The following RFWD3 variants were observed in gnomAD, a reference collection of about 807,000 sequenced individuals.
The protein encoded by RFWD3 is ring finger and WD repeat domain 3.
A neutral mutation model predicts 87.7 loss-of-function variants in RFWD3; 65 were observed. That is an observed-to-expected ratio of 0.74 (90% CI 0.61 to 0.91). The LOEUF is 0.91. Ranked by LOEUF, RFWD3 falls within the 40% of genes least tolerant of loss-of-function variation. The probability of loss-of-function intolerance (pLI) is 0.00; values close to 1 mark genes in which losing one functional copy is unlikely to be tolerated. For missense variants in RFWD3, 1,078 were observed against 938.5 expected, an observed-to-expected ratio of 1.15 and a Z score of -1.94; for synonymous variants, 433 against 352.8, an observed-to-expected ratio of 1.23 and a Z score of -2.55.
Position 74,644,426 on chromosome 16 carries a change from T to C in RFWD3, c.1015A>G (p.Ile339Val), listed in dbSNP as rs907592751. 1.9e-6 allele frequency: 3 copies of C among 1,614,120 alleles called. No homozygotes were observed. The highest frequency in any genetic ancestry group is 1.7e-5 in the Admixed American group (1 of 60,006). The stretch of plus-strand genomic sequence containing the variant: ...AGGGTTCGGGCATAAAGGACGACAA[T>C]GTCACTGTGCCTGGCTTTCTTGTTG... ...QCNKKARHSD[I>V]VVLYARTLRA... The change falls in exon 6 of 13, where the codon ATT (isoleucine) becomes GTT (valine). Residue 339 changes from isoleucine to valine, a missense_variant. By Grantham distance (29) the Ile-to-Val change is conservative (BLOSUM62 3). Coordinates refer to ENST00000361070, the MANE Select transcript of RFWD3 (RefSeq NM_018124.4).
intron 10 of RFWD3, 81 bp from the exon 11 acceptor site, chr16:74,628,747 T>C: frequency 6.5e-6 from 8 of 1,226,408 alleles, no homozygotes; most frequent in Non-Finnish European, 9.5e-6. Context: ...CTCAAGCACA[T>C]TCCCACCTCT....
intron 12 of RFWD3, 40 bp from the exon 13 acceptor site, chr16:74,624,111 A>G: frequency 6.3e-7 from 1 of 1,596,688 alleles, no homozygotes; most frequent in Non-Finnish European, 8.5e-7. Context: ...GGAGTCAGTC[A>G]GTACACGAAG....
At chr16:74,646,286 G>A (rs562892995) in intron 4 of RFWD3, among the ~76,000 whole-genome samples, 5 of 152,190 alleles carry the variant, frequency 3.3e-5, no homozygotes, top group Non-Finnish European at 5.9e-5. Context: ...TGAGGTAGAA[G>A]CATCACCTGA....
At chr16:74,662,239 G>A (rs1961506768) in intron 1 of RFWD3, among the ~76,000 whole-genome samples, 2 of 152,070 alleles carry the variant, frequency 1.3e-5, no homozygotes, top group African/African-American at 2.4e-5. Flanking sequence ...CAGGACAACA[G>A]GACTGAGCCA....
At chr16:74,665,615 C>T (rs1175595555) in intron 1 of RFWD3, among the ~76,000 whole-genome samples, 4 of 152,038 alleles carry the variant, frequency 2.6e-5, no homozygotes, top group South Asian at 2.1e-4. Context: ...AACAATGAGC[C>T]GGGCGTGGTG....
At chr16:74,656,308 C>CAAAAAAAAAAA (rs71158534) in intron 2 of RFWD3, among the ~76,000 whole-genome samples, 119 of 64,026 alleles carry the variant, frequency 1.9e-3, no homozygotes, top group Non-Finnish European at 2.3e-3. Flanking sequence ...CTTGTCTTGC[C>CAAAAAAAAAAA]AAAAAAAAAA....
intron 4 of RFWD3, among the ~76,000 whole-genome samples, chr16:74,648,582 C>A (rs1426076241): frequency 6.6e-6 from 1 of 150,872 alleles, no homozygotes; most frequent in Non-Finnish European, 1.5e-5. Flanking sequence ...ACCAGCCTGG[C>A]CAGTATGGTG....
At position 74,629,768 on chromosome 16, in the gene RFWD3, G is replaced by C. The variant is rs190265649; in HGVS notation, c.1754+1013C>G. On this transcript the variant is annotated intron_variant, in intron 10 of 12. Transcript: ENST00000361070. Reference sequence around the variant, plus strand: ...GGTATCTTTATGTTTGGCTCTCCTTGCTCTTTTTAATATATCCAGTTGGAA... The same window carrying C: ...GGTATCTTTATGTTTGGCTCTCCTTCCTCTTTTTAATATATCCAGTTGGAA... Among the ~76,000 whole-genome samples the C allele has an allele frequency of 6.6e-3, 1,008 of 151,820 alleles. 3 individuals carry two copies. The highest frequency in any genetic ancestry group is 0.01 in the Non-Finnish European group (711 of 67,976).
intron 1 of RFWD3, among the ~76,000 whole-genome samples, chr16:74,663,613 C>T (rs916289469): frequency 6.6e-5 from 10 of 152,172 alleles, no homozygotes; most frequent in African/African-American, 2.4e-4. Context: ...ATTCCTAAAA[C>T]CCACGAACAT....
intron 9 of RFWD3, 124 bp downstream of exon 9, chr16:74,632,399 C>T: frequency 8.5e-7 from 1 of 1,172,792 alleles, no homozygotes; most frequent in Non-Finnish European, 1.2e-6. Context: ...CTCAAAAAAA[C>T]AAAACAAAAC....
rs1039634881 is a variant in RFWD3, at chr16:74,622,106, A to C, written c.*1822T>G. On this transcript the variant is annotated 3_prime_UTR_variant, in exon 13 of 13. Coordinates refer to ENST00000361070, the MANE Select transcript of RFWD3 (RefSeq NM_018124.4). Reference sequence around the variant, plus strand: ...GTACTTCAAAGAAAGTCAAATCCTAAGCCTGCCCAGGCCCAAAGACAAAGC... The same window carrying C: ...GTACTTCAAAGAAAGTCAAATCCTACGCCTGCCCAGGCCCAAAGACAAAGC... 2 of 152,168 alleles carry C rather than the reference A, an allele frequency of 1.3e-5. No homozygotes were observed. Among genetic ancestry groups the C allele is most frequent in the Non-Finnish European group, 2.9e-5 (2 of 68,032 alleles). 9.4% of individuals were successfully genotyped at this position (152,168 alleles called of 1,614,324 possible). A position where few individuals can be genotyped will look rare whatever the true frequency, so the allele number is the denominator to read the frequency against.
intron 6 of RFWD3, 102 bp downstream of exon 6, chr16:74,644,260 T>A (rs79282954): frequency 0.019 from 20,621 of 1,076,108 alleles, 854 homozygotes; most frequent in African/African-American, 0.15. Context: ...AAGTCACAGG[T>A]CAAGTAAAAC....
intron 12 of RFWD3, 105 bp from the exon 13 acceptor site, chr16:74,624,176 C>A: frequency 1.5e-6 from 2 of 1,340,758 alleles, no homozygotes; most frequent in Non-Finnish European, 2.0e-6. Context: ...GAGAACACTA[C>A]CTGGAGAGCA....
intron 2 of RFWD3, among the ~76,000 whole-genome samples, chr16:74,653,884 T>C (rs1272085326): frequency 6.6e-6 from 1 of 152,178 alleles, no homozygotes; most frequent in African/African-American, 2.4e-5. Flanking sequence ...TCCAACTCAA[T>C]AGACAGAAGA....
chr16:74,630,182 G>A (rs1427072835), intron 10 of RFWD3, among the ~76,000 whole-genome samples: 2 of 151,614 alleles, frequency 1.3e-5, no homozygotes, highest in South Asian at 2.1e-4. Flanking sequence ...CGCAACCTCC[G>A]CCTCCGAGGC....
At chr16:74,624,112 G>A (rs771760258) in intron 12 of RFWD3, 41 bp from the exon 13 acceptor site, 3 of 1,594,748 alleles carry the variant, frequency 1.9e-6, no homozygotes, top group Non-Finnish European at 2.6e-6. Context: ...GAGTCAGTCA[G>A]TACACGAAGG....
Position 74,646,628 on chromosome 16 carries a change from T to C in RFWD3, c.793-1893A>G, listed in dbSNP as rs890351889. Among the ~76,000 whole-genome samples the C allele has an allele frequency of 3.3e-5, 5 of 150,312 alleles. No homozygotes were observed. In the East Asian group the frequency reaches 9.9e-4, roughly 30 times the overall value. ...TGGTGAAACCTCGTCTCTACTAAAATACAAAAAATTAGCCAGGCATGACGG... is the reference window on the plus strand; with the variant it reads ...TGGTGAAACCTCGTCTCTACTAAAACACAAAAAATTAGCCAGGCATGACGG... On this transcript the variant is annotated intron_variant, in intron 4 of 12. Transcript: ENST00000361070.
At chr16:74,656,702 C>A (rs1961014948) in intron 2 of RFWD3, among the ~76,000 whole-genome samples, 1 of 152,172 alleles carries the variant, frequency 6.6e-6, no homozygotes, top group Non-Finnish European at 1.5e-5. Flanking sequence ...AGGCAATCTG[C>A]CTGCTTCAGC....
intron 4 of RFWD3, among the ~76,000 whole-genome samples, chr16:74,645,290 G>T (rs544730022): frequency 2.6e-4 from 40 of 152,304 alleles, no homozygotes; most frequent in African/African-American, 9.1e-4. Flanking sequence ...CATTATCCAT[G>T]AAAATTAAAA....
Sources: allele counts gnomAD v4.1 joint callset (sites outside exome capture counted in the v4.1 genomes callset), GRCh38; gene constraint gnomAD v4.1.1; transcripts MANE v1.5; gene names NCBI Gene and HGNC (gene_info 2026-07-23, HGNC 2026-07-21).